Variants in LRRIQ3 observed in about 807,000 individuals in gnomAD.
LRRIQ3 encodes leucine-rich repeat and IQ domain-containing protein 3.
Under a neutral mutation model 59.3 loss-of-function variants are expected in LRRIQ3, and 75 were observed. That is an observed-to-expected ratio of 1.26 (90% CI 1.05 to 1.53). The LOEUF (loss-of-function observed/expected upper bound fraction) is 1.53, where lower values mean the gene tolerates loss of function less well. Ranked by LOEUF, LRRIQ3 falls within the 40% of genes most tolerant of loss-of-function variation. The pLI is 0.00. For synonymous variants in LRRIQ3, 250 were observed against 231.3 expected (o/e 1.08, Z -0.73); for missense variants, 831 against 710.0 (o/e 1.17, Z -1.94).
intron 6 of LRRIQ3, among the ~76,000 whole-genome samples, chr1:74,050,997 C>A (rs1471647182): frequency 2.6e-5 from 4 of 152,104 alleles, no homozygotes; most frequent in Non-Finnish European, 5.9e-5. Flanking sequence ...GTTTATGAAA[C>A]ATCTTACATC....
chr1:74,180,230 C>G (rs182820767), intron 3 of LRRIQ3: 2 of 151,520 alleles, frequency 1.3e-5, no homozygotes, highest in African/African-American at 4.8e-5. Flanking sequence ...TTTACTCTTA[C>G]CTGCTGAGAT....
intron 3 of LRRIQ3, among the ~76,000 whole-genome samples, chr1:74,162,589 G>GTT (rs796447248): frequency 1.6e-4 from 24 of 151,806 alleles, no homozygotes; most frequent in African/African-American, 5.5e-4. Flanking sequence ...AGTAAGAGTT[G>GTT]TTTAAAAACT....
chr1:74,099,411 T>C (rs1026478562), intron 5 of LRRIQ3, among the ~76,000 whole-genome samples: 5 of 152,128 alleles, frequency 3.3e-5, no homozygotes, highest in African/African-American at 9.7e-5. Flanking sequence ...GAGGCAATAA[T>C]TAATAGCCTA....
At chr1:74,039,305 C>A (rs539228172) in intron 7 of LRRIQ3, among the ~76,000 whole-genome samples, 5 of 152,024 alleles carry the variant, frequency 3.3e-5, no homozygotes, top group Non-Finnish European at 5.9e-5. Flanking sequence ...TGAACAAAAT[C>A]TCTGAGAAAT....
chr1:74,157,051 C>A (rs1648375842), intron 3 of LRRIQ3, among the ~76,000 whole-genome samples: 1 of 151,972 alleles, frequency 6.6e-6, no homozygotes, highest in Non-Finnish European at 1.5e-5. Context: ...CAGATTAGTG[C>A]CGCTTCCGAT....
At chr1:74,077,316 T>C (rs900134260) in intron 5 of LRRIQ3, among the ~76,000 whole-genome samples, 2 of 152,042 alleles carry the variant, frequency 1.3e-5, no homozygotes, top group Non-Finnish European at 2.9e-5. Flanking sequence ...TCAAATTGCA[T>C]TTGAACCATA....
At chr1:74,067,130 T>G (rs993812665) in intron 6 of LRRIQ3, among the ~76,000 whole-genome samples, 12 of 152,120 alleles carry the variant, frequency 7.9e-5, no homozygotes, top group East Asian at 1.9e-4. Flanking sequence ...AAATGACAAC[T>G]GAAATCCCAT....
At chr1:74,096,476 T>G (rs1435435682) in intron 5 of LRRIQ3, among the ~76,000 whole-genome samples, 3 of 152,086 alleles carry the variant, frequency 2.0e-5, no homozygotes, top group African/African-American at 7.2e-5. Context: ...TCAAAAGGCA[T>G]GAAAATTCTC....
intron 4 of LRRIQ3, among the ~76,000 whole-genome samples, chr1:74,142,673 C>CT: frequency 6.6e-6 from 1 of 151,972 alleles, no homozygotes; most frequent in Non-Finnish European, 1.5e-5. Flanking sequence ...CAAATGCTTG[C>CT]TTAAAAGAGT....
At chr1:74,178,358 AACTGTATATTC>A (rs1649772565) in intron 3 of LRRIQ3, among the ~76,000 whole-genome samples, 1 of 151,992 alleles carries the variant, frequency 6.6e-6, no homozygotes, top group South Asian at 2.1e-4. Context: ...TAGACTGTTT[AACTGTATATTC>A]TTTTTTATCT....
chr1:74,084,758 A>T (rs1312862833), intron 5 of LRRIQ3, among the ~76,000 whole-genome samples: 3 of 151,756 alleles, frequency 2.0e-5, no homozygotes, highest in African/African-American at 7.2e-5. Flanking sequence ...TGCCGTAAAA[A>T]GTTGTTTATC....
Position 74,148,201 on chromosome 1 carries a change from A to T in LRRIQ3, c.707+7532T>A, listed in dbSNP as rs1244218967. ...AACAGTTGCTTTTTCCAAATTTTGT[A>T]GGGAAGTACTTTTTGTTATAGATGC... On this transcript the variant is annotated intron_variant, in intron 4 of 7. Coordinates refer to ENST00000354431, the MANE Select transcript of LRRIQ3 (RefSeq NM_001105659.2). 2.0e-5 allele frequency among the ~76,000 whole-genome samples: 3 copies of T among 152,142 alleles called. No homozygotes were observed. In the East Asian group the frequency reaches 5.8e-4, roughly 29 times the overall value.
In LRRIQ3 at chr1:74,189,145, A is replaced by G. The variant is rs532082807; in HGVS notation, c.1-5461T>C. ...CTGAGATGAACCAGTCTTTCTTTCC[A>G]TACTGTCTCAGGACCTCTCTATGTT... On this transcript the variant is annotated intron_variant, in intron 1 of 7. Transcript: ENST00000354431. 1.2e-3 allele frequency among the ~76,000 whole-genome samples: 183 copies of G among 152,204 alleles called. 1 individual carries two copies. The highest frequency in any genetic ancestry group is 4.2e-3 in the African/African-American group (174 of 41,556).
intron 4 of LRRIQ3, among the ~76,000 whole-genome samples, chr1:74,118,092 A>G (rs1332785555): frequency 6.6e-6 from 1 of 152,122 alleles, no homozygotes; most frequent in Non-Finnish European, 1.5e-5. Context: ...AACCAACCCT[A>G]TTAGAAAATA....
intron 6 of LRRIQ3, among the ~76,000 whole-genome samples, chr1:74,048,833 AG>A (rs2100409560): frequency 6.6e-6 from 1 of 152,310 alleles, no homozygotes; most frequent in Non-Finnish European, 1.5e-5. Context: ...GTTGTGTATA[AG>A]ACACTTTTCT....
At chr1:74,153,313 C>T (rs1648103157) in intron 4 of LRRIQ3, among the ~76,000 whole-genome samples, 1 of 152,000 alleles carries the variant, frequency 6.6e-6, no homozygotes, top group Non-Finnish European at 1.5e-5. Flanking sequence ...TAAATTTTGG[C>T]CATATATATT....
intron 1 of LRRIQ3, among the ~76,000 whole-genome samples, chr1:74,190,698 C>A (rs1650706855): frequency 6.7e-6 from 1 of 149,736 alleles, no homozygotes. Flanking sequence ...AAAAAAAAAA[C>A]AACCTCACAC....
chr1:74,039,539 A>G (rs1397154702), intron 7 of LRRIQ3, among the ~76,000 whole-genome samples: 1 of 152,116 alleles, frequency 6.6e-6, no homozygotes, highest in Non-Finnish European at 1.5e-5. Context: ...CCAGAGAGAA[A>G]GGCCAAGTAA....
At chr1:74,181,004 G>T in intron 3 of LRRIQ3, 1 of 517,162 alleles carries the variant, frequency 1.9e-6, no homozygotes. Context: ...CCTTTCCCTT[G>T]GACTTAATGA....
Sources: gnomAD v4.1 joint callset for allele counts (sites outside exome capture counted in the v4.1 genomes callset) on GRCh38, gnomAD v4.1.1 for gene constraint, MANE v1.5 for transcripts, NCBI Gene and HGNC (gene_info 2026-07-23, HGNC 2026-07-21) for gene names.